The following LINC00305 variants were observed in gnomAD, a reference collection of about 807,000 sequenced individuals.
LINC00305 encodes long independently transcribed non-coding RNA 305, also known as long intergenic non-protein coding RNA 305.
Position 64,093,914 on chromosome 18 carries a change from C to T in LINC00305, n.540+3920G>A, listed in dbSNP as rs180981224. The stretch of plus-strand genomic sequence containing the variant: ...GGTCACCCCACCTTTACTCAAAGAA[C>T]TTACAGTTTAATTGGAAAGAAGTGC... On this transcript the variant is annotated intron_variant and non_coding_transcript_variant, in intron 3 of 3. Coordinates refer to ENST00000666468, the Ensembl canonical transcript of LINC00305. 4.0e-4 allele frequency among the ~76,000 whole-genome samples: 59 copies of T among 147,000 alleles called. No individual in the cohort carries two copies. The East Asian group carries it at 0.011, about 27-fold the overall frequency.
chr18:64,122,677 G>A (rs770986518), intron 1 of LINC00305, among the ~76,000 whole-genome samples: 15 of 151,974 alleles, frequency 9.9e-5, no homozygotes, highest in Admixed American at 2.6e-4. Flanking sequence ...GGCTCTTTTC[G>A]TGTTCCGTAT....
chr18:64,131,851 A>G (rs946989563), intron 1 of LINC00305, among the ~76,000 whole-genome samples: 5 of 152,204 alleles, frequency 3.3e-5, no homozygotes, highest in African/African-American at 1.2e-4. Flanking sequence ...CAGAAGTGTC[A>G]TCAGAAATGG....
chr18:64,141,784 A>G (rs2051464688), intron 1 of LINC00305, among the ~76,000 whole-genome samples: 1 of 152,224 alleles, frequency 6.6e-6, no homozygotes, highest in South Asian at 2.1e-4. Flanking sequence ...CTTTTCTCAA[A>G]ACGCTTTGGT....
At chr18:64,113,128 G>A (rs897480179) in intron 1 of LINC00305, among the ~76,000 whole-genome samples, 5 of 152,060 alleles carry the variant, frequency 3.3e-5, no homozygotes, top group African/African-American at 9.7e-5. Flanking sequence ...GTTCTTGCAC[G>A]GTATTCTAGA....
At chr18:64,122,953 A>T (rs557592006) in intron 1 of LINC00305, among the ~76,000 whole-genome samples, 1 of 152,110 alleles carries the variant, frequency 6.6e-6, no homozygotes, top group African/African-American at 2.4e-5. Context: ...TTTTGTAGCT[A>T]TTGTAAATGG....
chr18:64,114,849 TA>T (rs2051330828), intron 1 of LINC00305, among the ~76,000 whole-genome samples: 2 of 152,366 alleles, frequency 1.3e-5, no homozygotes, highest in Admixed American at 1.3e-4. Context: ...GCTCCTGGCC[TA>T]TTTTATGTTT....
At chr18:64,081,870 C>A (rs2051186507) in intron 3 of LINC00305, among the ~76,000 whole-genome samples, 1 of 152,112 alleles carries the variant, frequency 6.6e-6, no homozygotes, top group Non-Finnish European at 1.5e-5. Flanking sequence ...GTTTGGCAAG[C>A]CTGTTCTCTG....
At chr18:64,103,095 T>A (rs1421159116) in intron 1 of LINC00305, among the ~76,000 whole-genome samples, 1 of 152,230 alleles carries the variant, frequency 6.6e-6, no homozygotes, top group East Asian at 1.9e-4. Context: ...TTTTTCTTAT[T>A]GACATACCTT....
At chr18:64,091,822 C>T (rs938531864) in intron 3 of LINC00305, among the ~76,000 whole-genome samples, 1 of 152,154 alleles carries the variant, frequency 6.6e-6, no homozygotes, top group African/African-American at 2.4e-5. Context: ...TGATTAATTT[C>T]CAAGTCCTGT....
chr18:64,132,060 A>G (rs2051412391), intron 1 of LINC00305, among the ~76,000 whole-genome samples: 1 of 152,256 alleles, frequency 6.6e-6, no homozygotes, highest in Admixed American at 6.5e-5. Flanking sequence ...GTTTTATAAT[A>G]AAAGAATAAT....
intron 3 of LINC00305, among the ~76,000 whole-genome samples, chr18:64,091,876 C>A (rs1419655151): frequency 2.0e-5 from 3 of 152,172 alleles, no homozygotes; most frequent in African/African-American, 7.2e-5. Flanking sequence ...AGAAAAAAAG[C>A]TTGCATAATC....
chr18:64,102,523 C>A lies in LINC00305; in HGVS notation n.315-3883G>T, dbSNP rs374467615. On this transcript the variant is annotated intron_variant and non_coding_transcript_variant, in intron 1 of 3. Transcript: ENST00000666468. ...GAACTGAAGAGACATACCCAAATGC[C>A]AGAAATGACCAAAATGCTAAAAATC... Among the ~76,000 whole-genome samples the A allele has an allele frequency of 8.6e-4, 131 of 152,142 alleles. 3 individuals are homozygous for A. The highest frequency in any genetic ancestry group is 3.4e-3 in the Middle Eastern group (1 of 294).
At chr18:64,116,006 C>A (rs1390250321) in intron 1 of LINC00305, among the ~76,000 whole-genome samples, 1 of 152,122 alleles carries the variant, frequency 6.6e-6, no homozygotes, top group Admixed American at 6.6e-5. Flanking sequence ...GCCAATAAGC[C>A]AACAGATGCC....
rs548324561 is a variant in LINC00305 at position 64,122,458 on chromosome 18, A to G, written n.315-23818T>C. On this transcript the variant is annotated intron_variant and non_coding_transcript_variant, in intron 1 of 3. Transcript: ENST00000666468. ...GAAAAGGTTGTCCTTTCTCTAGTGT[A>G]TGATCTTGTCTATTTTGTCAAACAT... 7.6e-4 allele frequency among the ~76,000 whole-genome samples: 115 copies of G among 152,080 alleles called. 1 individual carries two copies. The highest frequency in any genetic ancestry group is 2.6e-3 in the African/African-American group (109 of 41,534).
At chr18:64,116,128 A>G (rs533700401) in intron 1 of LINC00305, among the ~76,000 whole-genome samples, 1 of 152,328 alleles carries the variant, frequency 6.6e-6, no homozygotes, top group East Asian at 1.9e-4. Flanking sequence ...CGACATCCTT[A>G]AAGTCTTCCT....
intron 1 of LINC00305, among the ~76,000 whole-genome samples, chr18:64,143,631 C>CATATGTAT (rs1194438774): frequency 1.0e-5 from 1 of 97,688 alleles, no homozygotes; most frequent in East Asian, 2.6e-4. Context: ...TATGTATGTA[C>CATATGTAT]ACGTATTATG....
chr18:64,143,871 T>C (rs939186420), intron 1 of LINC00305, among the ~76,000 whole-genome samples: 3 of 151,946 alleles, frequency 2.0e-5, no homozygotes, highest in Non-Finnish European at 4.4e-5. Context: ...TACATACATA[T>C]ATGTATACAT....
intron 3 of LINC00305, among the ~76,000 whole-genome samples, chr18:64,083,222 C>A: frequency 6.6e-6 from 1 of 152,090 alleles, no homozygotes; most frequent in South Asian, 2.1e-4. Context: ...CATTCCTCAC[C>A]CCAGACAGGA....
At chr18:64,136,801 G>A (rs999211140) in intron 1 of LINC00305, among the ~76,000 whole-genome samples, 1 of 152,182 alleles carries the variant, frequency 6.6e-6, no homozygotes, top group Non-Finnish European at 1.5e-5. Flanking sequence ...AGGCCCTGTT[G>A]TGCCTTAGGA....
Sources: allele counts gnomAD v4.1 joint callset (sites outside exome capture counted in the v4.1 genomes callset), GRCh38; gene constraint gnomAD v4.1.1; transcripts MANE v1.5; gene names NCBI Gene and HGNC (gene_info 2026-07-23, HGNC 2026-07-21).